PLEKHM3: variants seen among roughly 807,000 people sequenced by gnomAD.
PLEKHM3 encodes the protein pleckstrin homology domain-containing family M member 3.
A neutral mutation model predicts 81.8 loss-of-function variants in PLEKHM3; 45 were observed. The ratio of observed to expected loss-of-function variants is 0.55; its 90% CI spans 0.43 to 0.71. The LOEUF (loss-of-function observed/expected upper bound fraction) is 0.71. Ranked by LOEUF, PLEKHM3 falls within the 30% of genes least tolerant of loss-of-function variation. The pLI is 0.00. For synonymous variants in PLEKHM3, 352 were observed against 356.4 expected (o/e 0.99, Z 0.14); for missense variants, 788 against 924.3 (o/e 0.85, Z 1.91).
At chr2:207,942,075 A>T (rs1315396135) in intron 4 of PLEKHM3, among the ~76,000 whole-genome samples, 1 of 152,242 alleles carries the variant, frequency 6.6e-6, no homozygotes, top group Non-Finnish European at 1.5e-5. Flanking sequence ...TCTTCAATAA[A>T]CTAAAAATAG....
chr2:208,014,403 G>A (rs1692805134), intron 1 of PLEKHM3, among the ~76,000 whole-genome samples: 1 of 152,182 alleles, frequency 6.6e-6, no homozygotes, highest in Admixed American at 6.5e-5. Flanking sequence ...CCAGCACTTT[G>A]GAGGCCGAGG....
chr2:207,993,742 T>A (rs1364118467), intron 2 of PLEKHM3, among the ~76,000 whole-genome samples: 1 of 152,078 alleles, frequency 6.6e-6, no homozygotes, highest in Admixed American at 6.6e-5. Flanking sequence ...GCCAAGCAGA[T>A]GAAAATGTGA....
At chr2:207,828,567 C>T in intron 7 of PLEKHM3, 71 bp from the exon 8 acceptor site, 1 of 1,493,430 alleles carries the variant, frequency 6.7e-7, no homozygotes. Context: ...AGCCCTGTGG[C>T]CTCAGGTGCA....
intron 1 of PLEKHM3, among the ~76,000 whole-genome samples, chr2:208,020,090 T>C (rs920139290): frequency 3.3e-5 from 5 of 152,244 alleles, no homozygotes; most frequent in African/African-American, 4.8e-5. Context: ...TCAACATTTA[T>C]ATAATCACAC....
At chr2:207,880,267 C>G (rs957100768) in intron 6 of PLEKHM3, among the ~76,000 whole-genome samples, 1 of 151,990 alleles carries the variant, frequency 6.6e-6, no homozygotes, top group African/African-American at 2.4e-5. Flanking sequence ...ATTAGCTGGG[C>G]GTGGTGGCAT....
At chr2:207,924,018 G>C (rs1689299592) in intron 5 of PLEKHM3, among the ~76,000 whole-genome samples, 1 of 146,716 alleles carries the variant, frequency 6.8e-6, no homozygotes, top group Admixed American at 6.9e-5. Context: ...GAGCGATTCT[G>C]CCTCAGCCTT....
chr2:207,840,954 C>A (rs2092347844), intron 7 of PLEKHM3, among the ~76,000 whole-genome samples: 1 of 151,320 alleles, frequency 6.6e-6, no homozygotes, highest in Non-Finnish European at 1.5e-5. Context: ...GTGTGTGCCA[C>A]CATGCTTGGC....
intron 5 of PLEKHM3, among the ~76,000 whole-genome samples, chr2:207,926,429 TC>T (rs1483870924): frequency 6.6e-6 from 1 of 152,202 alleles, no homozygotes; most frequent in Non-Finnish European, 1.5e-5. Flanking sequence ...ATCCTGCTGT[TC>T]CTGTGTTCAG....
At chr2:208,005,946 A>G (rs970358609) in intron 1 of PLEKHM3, among the ~76,000 whole-genome samples, 1 of 152,068 alleles carries the variant, frequency 6.6e-6, no homozygotes, top group East Asian at 1.9e-4. Flanking sequence ...TTACTCCTCC[A>G]TGCTTTTGTC....
chr2:207,982,397 G>A (rs1373489772), intron 2 of PLEKHM3, among the ~76,000 whole-genome samples: 1 of 152,020 alleles, frequency 6.6e-6, no homozygotes, highest in Non-Finnish European at 1.5e-5. Flanking sequence ...AGTCTCCAGA[G>A]TGGCTGGGAC....
At position 208,001,592 on chromosome 2, in the gene PLEKHM3, C is replaced by G; in HGVS notation, c.48G>C (p.Thr16=). The part of the protein sequence containing the change: ...VDDISPALEV[T]EEFFSTLDSN... ...TATCCAAAGTACTAAAGAATTCCTC[C>G]GTAACTTCTAAGGCTGGGCTGATAT... is the stretch of plus-strand genomic sequence containing the variant. Residue 16 remains threonine (T), a synonymous_variant, in exon 2 of 8, where the codon ACG becomes ACC. Transcript: ENST00000427836. 6.2e-7 allele frequency: 1 copy of G among 1,614,146 alleles called. No homozygotes were observed. The highest frequency in any genetic ancestry group is 1.1e-5 in the South Asian group (1 of 91,082).
chr2:207,889,764 C>T (rs536323178), intron 6 of PLEKHM3, among the ~76,000 whole-genome samples: 40 of 152,122 alleles, frequency 2.6e-4, no homozygotes, highest in Non-Finnish European at 5.1e-4. Flanking sequence ...GCCTTCCTCC[C>T]TTCCTCCTGC....
chr2:207,925,696 G>C (rs985752803), intron 5 of PLEKHM3, among the ~76,000 whole-genome samples: 1 of 152,112 alleles, frequency 6.6e-6, no homozygotes, highest in African/African-American at 2.4e-5. Context: ...TGGTAACCCA[G>C]CTCTAATCTT....
intron 7 of PLEKHM3, among the ~76,000 whole-genome samples, chr2:207,847,719 C>G (rs1479220754): frequency 6.6e-6 from 1 of 152,194 alleles, no homozygotes; most frequent in Non-Finnish European, 1.5e-5. Context: ...TAGAAACAAA[C>G]AGCTCCTCTG....
At chr2:207,837,658 G>T (rs1347541189) in intron 7 of PLEKHM3, among the ~76,000 whole-genome samples, 1 of 134,104 alleles carries the variant, frequency 7.5e-6, no homozygotes, top group Non-Finnish European at 1.6e-5. Context: ...TTTTGAGATG[G>T]AGTCAGGCTG....
chr2:207,925,717 G>C (rs113744410), intron 5 of PLEKHM3, among the ~76,000 whole-genome samples: 1,833 of 152,210 alleles, frequency 0.012, 16 homozygotes, highest in Non-Finnish European at 0.019. Context: ...CAGCTTTGTG[G>C]TGAGGCTGCT....
At chr2:207,833,135 A>G (rs563090833) in intron 7 of PLEKHM3, among the ~76,000 whole-genome samples, 56 of 143,660 alleles carry the variant, frequency 3.9e-4, no homozygotes, top group Non-Finnish European at 6.6e-4. Context: ...AAAAAAAAAG[A>G]TTCATTGGCC....
Position 207,908,528 on chromosome 2 carries a change from C to G in PLEKHM3, c.1936G>C (p.Ala646Pro). The G allele has an allele frequency of 6.2e-7, 1 of 1,612,122 alleles. No homozygotes were observed. The highest frequency in any genetic ancestry group is 8.5e-7 in the Non-Finnish European group (1 of 1,179,492). ...TGAGCACTTACCTGCTGCAGGTCGG[C>G]AAGTGAATACAGGTGGATCTGTTGA... ...LLQQIHLYSL[A>P]DLQQVIEGKL... Residue 646 changes from alanine (A) to proline (P), a missense_variant, in exon 6 of 8, where the codon GCC (alanine) becomes CCC (proline). Ala to Pro is a conservative substitution (Grantham distance 27, BLOSUM62 -1). Transcript: ENST00000427836.
intron 1 of PLEKHM3, among the ~76,000 whole-genome samples, chr2:208,012,563 AT>A (rs1031525949): frequency 6.6e-6 from 1 of 152,222 alleles, no homozygotes; most frequent in Non-Finnish European, 1.5e-5. Flanking sequence ...AGTAGGCTGA[AT>A]CCAACCCCTC....
Sources: allele counts gnomAD v4.1 joint callset (sites outside exome capture counted in the v4.1 genomes callset), GRCh38; gene constraint gnomAD v4.1.1; transcripts MANE v1.5; gene names NCBI Gene and HGNC (gene_info 2026-07-23, HGNC 2026-07-21).